The following DOCK2 variants were observed in gnomAD, a reference collection of about 807,000 sequenced individuals.
The protein encoded by DOCK2 is dedicator of cytokinesis protein 2.
Under a neutral mutation model 248.9 loss-of-function variants are expected in DOCK2, and 87 were observed. The ratio of observed to expected loss-of-function variants is 0.35; its 90% CI spans 0.29 to 0.42. The LOEUF (loss-of-function observed/expected upper bound fraction) is 0.42, where lower values mean the gene tolerates loss of function less well. DOCK2 is among the 10% of genes least tolerant of loss of function. The pLI is 1.00. For synonymous variants in DOCK2, 805 were observed against 821.6 expected, an observed-to-expected ratio of 0.98 and a Z score of 0.35; for missense variants, 1,747 against 2,300.2, an observed-to-expected ratio of 0.76 and a Z score of 4.92.
At chr5:169,721,019 G>C (rs1201708083) in intron 22 of DOCK2, among the ~76,000 whole-genome samples, 1 of 152,200 alleles carries the variant, frequency 6.6e-6, no homozygotes, top group East Asian at 1.9e-4. Flanking sequence ...ACTGCGCCCA[G>C]CCAGTATAAC....
At chr5:169,786,070 A>G (rs910585960) in intron 25 of DOCK2, among the ~76,000 whole-genome samples, 51 of 152,332 alleles carry the variant, frequency 3.3e-4, no homozygotes, top group Non-Finnish European at 6.3e-4. Flanking sequence ...TGCATTTCCC[A>G]GTTCAGGGCT....
At chr5:169,657,191 T>TG (rs1222544622) in intron 2 of DOCK2, among the ~76,000 whole-genome samples, 2 of 152,078 alleles carry the variant, frequency 1.3e-5, no homozygotes, top group Non-Finnish European at 2.9e-5. Flanking sequence ...AAAGTCTTCT[T>TG]GGGGTGCCTT....
intron 22 of DOCK2, among the ~76,000 whole-genome samples, chr5:169,720,133 G>A (rs116761195): frequency 0.01 from 1,558 of 152,302 alleles, 28 homozygotes; most frequent in African/African-American, 0.035. Flanking sequence ...TGAAGTGTCT[G>A]TTTCAGATTC....
intron 44 of DOCK2, among the ~76,000 whole-genome samples, chr5:170,061,862 T>C (rs1013380260): frequency 2.0e-5 from 3 of 152,172 alleles, no homozygotes; most frequent in African/African-American, 7.2e-5. Context: ...AGATTTTCAG[T>C]ACAACTCAGT....
At chr5:169,977,185 A>G (rs185922799) in intron 27 of DOCK2, among the ~76,000 whole-genome samples, 2 of 152,228 alleles carry the variant, frequency 1.3e-5, no homozygotes, top group Non-Finnish European at 2.9e-5. Context: ...CTGTCCCAGC[A>G]TGCTCTGTTC....
intron 26 of DOCK2, among the ~76,000 whole-genome samples, chr5:169,838,063 A>G (rs528973204): frequency 2.6e-5 from 4 of 152,326 alleles, no homozygotes; most frequent in South Asian, 2.1e-4. Context: ...TGCAGAAAAT[A>G]TAAGGGAGGG....
At chr5:169,943,358 A>G (rs1378960303) in intron 27 of DOCK2, among the ~76,000 whole-genome samples, 2 of 152,154 alleles carry the variant, frequency 1.3e-5, no homozygotes, top group Non-Finnish European at 2.9e-5. Flanking sequence ...GTGGACAGGC[A>G]ATACTTAGGT....
chr5:169,684,413 T>A, intron 8 of DOCK2, 63 bp downstream of exon 8: 1 of 1,561,418 alleles, frequency 6.4e-7, no homozygotes, highest in Non-Finnish European at 8.7e-7. Context: ...GAGCATCTTT[T>A]CTTTCCATCC....
chr5:169,932,753 T>C (rs555837506), intron 27 of DOCK2, among the ~76,000 whole-genome samples: 1 of 152,304 alleles, frequency 6.6e-6, no homozygotes, highest in South Asian at 2.1e-4. Flanking sequence ...TCCTCTCTGA[T>C]CCTTTCCTAT....
intron 44 of DOCK2, among the ~76,000 whole-genome samples, chr5:170,058,339 T>G (rs141774186): frequency 5.9e-5 from 9 of 152,340 alleles, no homozygotes; most frequent in African/African-American, 2.2e-4. Flanking sequence ...TAGGCACTGT[T>G]GTAAGACCTA....
At chr5:169,990,655 C>T (rs543852946) in intron 29 of DOCK2, among the ~76,000 whole-genome samples, 2 of 152,292 alleles carry the variant, frequency 1.3e-5, no homozygotes, top group East Asian at 3.9e-4. Flanking sequence ...AATAGGTATC[C>T]CAGCGGCTCA....
chr5:169,895,582 A>G (rs1386443537), intron 27 of DOCK2, among the ~76,000 whole-genome samples: 2 of 151,898 alleles, frequency 1.3e-5, no homozygotes, highest in South Asian at 4.2e-4. Context: ...TCGGTGCCCC[A>G]TGCTTTCACC....
At position 170,083,112 on chromosome 5, in the gene DOCK2, CCT is replaced by C. The variant is rs1758091833; in HGVS notation, c.*255_*256del. 1 of 497,428 alleles carries C rather than the reference CCT, an allele frequency of 2.0e-6. No individual in the cohort carries two copies. Among genetic ancestry groups the C allele is most frequent in the African/African-American group, 1.9e-5 (1 of 52,008 alleles). The allele number at this position is 497,428 out of a possible 1,614,324, so 30.8% of individuals were successfully genotyped here. A position where few individuals can be genotyped will look rare whatever the true frequency, so the allele number is the denominator to read the frequency against. On this transcript the variant is annotated 3_prime_UTR_variant, in exon 52 of 52. Transcript: ENST00000520908. ...TGAACTCAAGGTACCAGCAAGAATGCCTTCTCCCAGTGTGCTCTCCCCAACAT... is the reference window on the plus strand; with the variant it reads ...TGAACTCAAGGTACCAGCAAGAATGCTCTCCCAGTGTGCTCTCCCCAACAT...
intron 27 of DOCK2, among the ~76,000 whole-genome samples, chr5:169,947,856 A>T (rs894178056): frequency 2.9e-4 from 44 of 152,284 alleles, no homozygotes; most frequent in African/African-American, 1.0e-3. Context: ...TACAGCATAC[A>T]TGGTGCCTGC....
At chr5:170,035,993 A>T (rs1315934544) in intron 35 of DOCK2, among the ~76,000 whole-genome samples, 1 of 152,176 alleles carries the variant, frequency 6.6e-6, no homozygotes, top group Non-Finnish European at 1.5e-5. Flanking sequence ...AGGGACCTAG[A>T]TTCCTACGTA....
Position 169,699,408 on chromosome 5 carries a change from A to G in DOCK2, c.1082A>G (p.His361Arg). ...HPVTAENDFL[H>R]SLLGKVIASK... is the part of the protein sequence containing the mutation. ...GTTACAGCTGAGAATGACTTCCTAC[A>G]CAGCCTGCTGGGCAAAGTCATAGCC... The change falls in exon 12 of 52, where the codon CAC becomes CGC. Residue 361 changes from histidine to arginine, a missense_variant. His to Arg is a conservative substitution (Grantham distance 29, BLOSUM62 0). This residue lies in a region of DOCK2 where 375 missense variants were observed against 510.9 expected (regional missense o/e 0.73). Coordinates refer to ENST00000520908, the MANE Select transcript of DOCK2 (RefSeq NM_004946.3). 1 of 1,613,358 alleles carries G rather than the reference A, an allele frequency of 6.2e-7. No individual in the cohort carries two copies. Among genetic ancestry groups the G allele is most frequent in the Non-Finnish European group, 8.5e-7 (1 of 1,179,570 alleles).
At chr5:169,952,687 A>T (rs1327693291) in intron 27 of DOCK2, among the ~76,000 whole-genome samples, 1 of 152,160 alleles carries the variant, frequency 6.6e-6, no homozygotes, top group Admixed American at 6.5e-5. Flanking sequence ...AATCCCGTGG[A>T]TATCATGCTC....
At chr5:170,053,184 G>A (rs572251873) in intron 41 of DOCK2, among the ~76,000 whole-genome samples, 10 of 152,202 alleles carry the variant, frequency 6.6e-5, no homozygotes, top group Non-Finnish European at 1.3e-4. Flanking sequence ...CTTGTGTCAC[G>A]GGCTTCCCTA....
intron 32 of DOCK2, among the ~76,000 whole-genome samples, chr5:170,013,273 C>T (rs1304895150): frequency 6.6e-6 from 1 of 152,078 alleles, no homozygotes; most frequent in Non-Finnish European, 1.5e-5. Context: ...TTCATTTACT[C>T]ATTCGTTTAC....
Sources: gnomAD v4.1 joint callset for allele counts (sites outside exome capture counted in the v4.1 genomes callset) on GRCh38, gnomAD v4.1.1 for gene constraint, gnomAD v4.1.1 regional missense constraint, MANE v1.5 for transcripts, NCBI Gene and HGNC (gene_info 2026-07-23, HGNC 2026-07-21) for gene names.